The following DCDC2C variants were observed in gnomAD, a reference collection of about 807,000 sequenced individuals.
DCDC2C encodes doublecortin domain-containing protein 2C.
Under a neutral mutation model 45.0 loss-of-function variants are expected in DCDC2C, and 44 were observed. That is an observed-to-expected ratio of 0.98 (90% CI 0.77 to 1.26). DCDC2C has a LOEUF of 1.26. Among genes scored for constraint, DCDC2C ranks in the 50% most tolerant of loss-of-function variants. The pLI, the probability that DCDC2C is intolerant of heterozygous loss-of-function variation, is 0.00. For synonymous variants in DCDC2C, 187 were observed against 178.8 expected, an observed-to-expected ratio of 1.05 and a Z score of -0.37; for missense variants, 447 against 468.9, an observed-to-expected ratio of 0.95 and a Z score of 0.43.
chr2:3,760,627 A>G (rs937116624), intron 6 of DCDC2C, among the ~76,000 whole-genome samples: 1 of 152,166 alleles, frequency 6.6e-6, no homozygotes, highest in Non-Finnish European at 1.5e-5. Context: ...GAGTCGAACA[A>G]TGAGAACACA....
At chr2:3,739,397 C>G (rs1669127884) in intron 3 of DCDC2C, among the ~76,000 whole-genome samples, 1 of 152,128 alleles carries the variant, frequency 6.6e-6, no homozygotes, top group African/African-American at 2.4e-5. Context: ...CACCCTTGGC[C>G]TGCCACGCCC....
intron 2 of DCDC2C, among the ~76,000 whole-genome samples, chr2:3,720,924 A>G (rs1044408186): frequency 3.3e-5 from 5 of 152,170 alleles, no homozygotes; most frequent in African/African-American, 1.2e-4. Flanking sequence ...TTGAACTACA[A>G]ATTCAACTCT....
At position 3,806,545 on chromosome 2, in the gene DCDC2C, C is replaced by CT. The variant is rs34504660; in HGVS notation, c.1065+21460dup. Among the ~76,000 whole-genome samples, 719 of 143,354 alleles carry CT rather than the reference C, an allele frequency of 5.0e-3. 11 individuals are homozygous for CT. The highest frequency in any genetic ancestry group is 0.015 in the African/African-American group (596 of 38,630). 94.0% of individuals were successfully genotyped at this position (143,354 alleles called of 152,430 possible). A position where few individuals can be genotyped will look rare whatever the true frequency, so the allele number is the denominator to read the frequency against. The stretch of plus-strand genomic sequence containing the variant: ...GGGCTTGTGATGTATCTTTGAGTGT[C>CT]TTTTTTTTTTTTTTTGAGATGGAGT... On this transcript the variant is annotated intron_variant, in intron 10 of 10. Coordinates refer to ENST00000399143, the MANE Select transcript of DCDC2C (RefSeq NM_001287444.2).
chr2:3,749,351 A>G (rs565546553), intron 4 of DCDC2C, among the ~76,000 whole-genome samples: 1 of 152,238 alleles, frequency 6.6e-6, no homozygotes. Context: ...TTTGATATCC[A>G]TATTCTGGCT....
rs1340241345 is a variant in DCDC2C at position 3,841,432 on chromosome 2, T to G, written c.1066-5722T>G. The stretch of plus-strand genomic sequence containing the variant: ...TTTATATTACATAATATATTAATAT[T>G]CATATACATACATTTTGATATCCTA... On this transcript the variant is annotated intron_variant, in intron 10 of 10. Coordinates refer to ENST00000399143, the MANE Select transcript of DCDC2C (RefSeq NM_001287444.2). Among the ~76,000 whole-genome samples, 4 of 146,308 alleles carry G rather than the reference T, an allele frequency of 2.7e-5. No individual in the cohort carries two copies. The South Asian group carries it at 9.0e-4, about 33-fold the overall frequency.
At chr2:3,750,001 C>T (rs1669492400) in intron 4 of DCDC2C, among the ~76,000 whole-genome samples, 1 of 151,232 alleles carries the variant, frequency 6.6e-6, no homozygotes, top group South Asian at 2.1e-4. Flanking sequence ...TTCCCCTCTA[C>T]CCCCCTCCAC....
chr2:3,781,443 T>C (rs987644937), intron 9 of DCDC2C, among the ~76,000 whole-genome samples: 1 of 152,248 alleles, frequency 6.6e-6, no homozygotes, highest in Non-Finnish European at 1.5e-5. Context: ...CAGTAGGTGT[T>C]TAATAAATAT....
At chr2:3,751,879 T>C (rs1558577855) in intron 4 of DCDC2C, among the ~76,000 whole-genome samples, 3 of 152,206 alleles carry the variant, frequency 2.0e-5, no homozygotes. Flanking sequence ...TTCATTCTGA[T>C]GAAATTAATG....
chr2:3,833,163 C>G (rs1233947204), intron 10 of DCDC2C, among the ~76,000 whole-genome samples: 1 of 152,230 alleles, frequency 6.6e-6, no homozygotes, highest in Non-Finnish European at 1.5e-5. Context: ...TCTGGCTCTT[C>G]TCTTCTGTCT....
intron 4 of DCDC2C, 81 bp downstream of exon 4, chr2:3,742,129 C>A: frequency 2.1e-6 from 3 of 1,408,328 alleles, no homozygotes; most frequent in South Asian, 1.6e-5. Context: ...CTGCCTGGAC[C>A]AGCAAGGTCT....
intron 1 of DCDC2C, chr2:3,704,270 G>C: frequency 2.6e-6 from 1 of 388,332 alleles, no homozygotes; most frequent in East Asian, 3.8e-5. Flanking sequence ...TATGGGGCAG[G>C]GCGGGCCCTG....
chr2:3,769,389 A>C lies in DCDC2C; in HGVS notation c.932A>C (p.Gln311Pro). The C allele has an allele frequency of 6.4e-7, 1 of 1,550,530 alleles. No homozygotes were observed. The highest frequency in any genetic ancestry group is 8.7e-7 in the Non-Finnish European group (1 of 1,146,942). The change falls in exon 8 of 11, where the codon CAG becomes CCG. Residue 311 changes from glutamine (Q) to proline (P), a missense_variant. Coordinates refer to ENST00000399143, the MANE Select transcript of DCDC2C (RefSeq NM_001287444.2). ...ALDVKEEHNV[Q>P]LEVPVDQRQA... ...GACGTCAAAGAGGAGCACAATGTGC[A>C]GCTGGAGGTGCCTGTGGACCAGGTG...
intron 5 of DCDC2C, 147 bp downstream of exon 5, chr2:3,753,047 T>C (rs1669587263): frequency 2.0e-6 from 2 of 1,020,124 alleles, no homozygotes; most frequent in Non-Finnish European, 1.4e-6. Flanking sequence ...GATACAATTT[T>C]AGATTTTAAA....
intron 10 of DCDC2C, among the ~76,000 whole-genome samples, chr2:3,841,267 G>C (rs1445945982): frequency 6.6e-6 from 1 of 152,038 alleles, no homozygotes; most frequent in Non-Finnish European, 1.5e-5. Flanking sequence ...AGTTCTGAAA[G>C]AAAACCAACA....
At chr2:3,743,943 C>T (rs1190387290) in intron 4 of DCDC2C, among the ~76,000 whole-genome samples, 1 of 152,162 alleles carries the variant, frequency 6.6e-6, no homozygotes, top group African/African-American at 2.4e-5. Context: ...GTGGCGGGAA[C>T]CTGTAATCCC....
intron 10 of DCDC2C, among the ~76,000 whole-genome samples, chr2:3,842,752 C>A (rs1450476436): frequency 6.6e-6 from 1 of 152,170 alleles, no homozygotes; most frequent in East Asian, 1.9e-4. Flanking sequence ...GGCTCTCCTC[C>A]ACACGGTGAC....
At chr2:3,719,778 T>G (rs547018345) in intron 2 of DCDC2C, among the ~76,000 whole-genome samples, 22 of 152,358 alleles carry the variant, frequency 1.4e-4, no homozygotes, top group East Asian at 9.6e-4. Flanking sequence ...AGTAAGTTTA[T>G]TGAATGAAGA....
At chr2:3,742,730 G>A (rs1006659339) in intron 4 of DCDC2C, among the ~76,000 whole-genome samples, 5 of 152,206 alleles carry the variant, frequency 3.3e-5, no homozygotes, top group African/African-American at 4.8e-5. Context: ...TTATGATTGC[G>A]ACAGTGGATG....
chr2:3,760,687 G>A (rs1296371529), intron 6 of DCDC2C, among the ~76,000 whole-genome samples: 1 of 152,126 alleles, frequency 6.6e-6, no homozygotes, highest in East Asian at 1.9e-4. Flanking sequence ...AGGGGGTGAG[G>A]GGAAAGGGGA....
Sources: gnomAD v4.1 joint callset for allele counts (sites outside exome capture counted in the v4.1 genomes callset) on GRCh38, gnomAD v4.1.1 for gene constraint, MANE v1.5 for transcripts, NCBI Gene and HGNC (gene_info 2026-07-23, HGNC 2026-07-21) for gene names.